Variants in GFRA1 observed in about 807,000 individuals in gnomAD.
The protein encoded by GFRA1 is GDNF family receptor alpha-1.
A neutral mutation model predicts 51.6 loss-of-function variants in GFRA1; 16 were observed. The ratio of observed to expected loss-of-function variants is 0.31; its 90% CI spans 0.21 to 0.47. GFRA1 has a LOEUF of 0.47. Ranked by LOEUF, GFRA1 falls within the 20% of genes least tolerant of loss-of-function variation. GFRA1 has a pLI of 1.00. For missense variants in GFRA1, 530 were observed against 594.3 expected (o/e 0.89, Z 1.13); for synonymous variants, 270 against 241.3 (o/e 1.12, Z -1.10).
At chr10:116,080,072 C>G (rs952440649) in intron 9 of GFRA1, among the ~76,000 whole-genome samples, 1 of 152,162 alleles carries the variant, frequency 6.6e-6, no homozygotes, top group African/African-American at 2.4e-5. Flanking sequence ...GGGCACTTCT[C>G]TGACACTGAA....
chr10:116,254,840 A>G (rs1209085563), intron 4 of GFRA1, among the ~76,000 whole-genome samples: 1 of 152,220 alleles, frequency 6.6e-6, no homozygotes, highest in East Asian at 1.9e-4. Context: ...CCAACCAGCT[A>G]GTATTCAAAA....
chr10:116,246,368 T>C (rs1429262630), intron 4 of GFRA1, among the ~76,000 whole-genome samples: 1 of 151,954 alleles, frequency 6.6e-6, no homozygotes, highest in Admixed American at 6.6e-5. Flanking sequence ...GAGGCAGAGG[T>C]TGCAGTGAGA....
chr10:116,177,908 T>C (rs906883821), intron 5 of GFRA1, among the ~76,000 whole-genome samples: 2 of 152,212 alleles, frequency 1.3e-5, no homozygotes, highest in Admixed American at 6.5e-5. Context: ...AGGGCCATGG[T>C]ACAAACTCAA....
At chr10:116,121,925 AAAGAC>A (rs1416954792) in intron 6 of GFRA1, among the ~76,000 whole-genome samples, 1 of 152,214 alleles carries the variant, frequency 6.6e-6, no homozygotes, top group Non-Finnish European at 1.5e-5. Flanking sequence ...GCATAAAATT[AAAGAC>A]AAGAGTAATA....
At chr10:116,246,535 G>A (rs1217779010) in intron 4 of GFRA1, among the ~76,000 whole-genome samples, 1 of 152,078 alleles carries the variant, frequency 6.6e-6, no homozygotes, top group Non-Finnish European at 1.5e-5. Context: ...ATACAACATA[G>A]GCTAGTAATT....
intron 5 of GFRA1, among the ~76,000 whole-genome samples, chr10:116,180,206 A>C (rs1254280057): frequency 6.6e-6 from 1 of 152,212 alleles, no homozygotes; most frequent in African/African-American, 2.4e-5. Flanking sequence ...TGGTATTTCC[A>C]GAGGAAAATT....
chr10:116,146,223 T>C (rs1589823422), intron 5 of GFRA1, among the ~76,000 whole-genome samples: 3 of 152,286 alleles, frequency 2.0e-5, no homozygotes, highest in African/African-American at 7.2e-5. Context: ...ATCCCAGGTT[T>C]TGTGGGGATA....
chr10:116,259,602 G>A (rs971570491), intron 4 of GFRA1, among the ~76,000 whole-genome samples: 5 of 152,124 alleles, frequency 3.3e-5, no homozygotes, highest in African/African-American at 1.2e-4. Context: ...CAACTTTAAA[G>A]GCCTTTTGTC....
intron 6 of GFRA1, among the ~76,000 whole-genome samples, chr10:116,117,996 C>T (rs1169056868): frequency 2.0e-5 from 3 of 151,664 alleles, no homozygotes; most frequent in Admixed American, 6.6e-5. Flanking sequence ...CTGGTGCTCC[C>T]GAGATTCAGC....
At chr10:116,135,883 G>C (rs547092902) in intron 5 of GFRA1, among the ~76,000 whole-genome samples, 1 of 152,112 alleles carries the variant, frequency 6.6e-6, no homozygotes, top group South Asian at 2.1e-4. Flanking sequence ...ATGTGTTCAG[G>C]GCCTACCCAG....
intron 9 of GFRA1, among the ~76,000 whole-genome samples, chr10:116,088,013 T>C (rs1460794097): frequency 6.6e-6 from 1 of 152,096 alleles, no homozygotes; most frequent in African/African-American, 2.4e-5. Flanking sequence ...TGTTTGACCT[T>C]GGGCTGTGCC....
At chr10:116,146,801 T>TGAAAAGC (rs1156786159) in intron 5 of GFRA1, among the ~76,000 whole-genome samples, 9 of 152,190 alleles carry the variant, frequency 5.9e-5, no homozygotes, top group African/African-American at 1.9e-4. Context: ...AAGCTCAGAG[T>TGAAAAGC]GAAAAGCGAC....
At chr10:116,178,294 G>A (rs1268178502) in intron 5 of GFRA1, among the ~76,000 whole-genome samples, 3 of 50,960 alleles carry the variant, frequency 5.9e-5, no homozygotes, top group Non-Finnish European at 1.5e-4. Flanking sequence ...GAGCCCACAA[G>A]GGGCCGGGGG....
At chr10:116,183,639 A>C (rs542599662) in intron 5 of GFRA1, among the ~76,000 whole-genome samples, 10 of 152,186 alleles carry the variant, frequency 6.6e-5, no homozygotes, top group Non-Finnish European at 1.5e-4. Context: ...TCTCCTCTCC[A>C]GAAAGGCCCT....
intron 5 of GFRA1, among the ~76,000 whole-genome samples, chr10:116,175,116 G>T (rs1221117896): frequency 6.6e-6 from 1 of 152,116 alleles, no homozygotes; most frequent in African/African-American, 2.4e-5. Flanking sequence ...CCTGTACATG[G>T]CATTTAAGCT....
At chr10:116,227,521 G>T (rs1269848907) in intron 4 of GFRA1, among the ~76,000 whole-genome samples, 1 of 152,186 alleles carries the variant, frequency 6.6e-6, no homozygotes, top group Non-Finnish European at 1.5e-5. Context: ...ATTATTCCCT[G>T]CTGGGTGCTG....
intron 2 of GFRA1, among the ~76,000 whole-genome samples, chr10:116,271,566 T>C (rs1398247386): frequency 6.6e-6 from 1 of 152,010 alleles, no homozygotes; most frequent in East Asian, 2.0e-4. Context: ...AGGCCAGCCA[T>C]GGTCAGCGGT....
chr10:116,107,674 G>C (rs571809375), intron 6 of GFRA1, among the ~76,000 whole-genome samples: 65 of 152,272 alleles, frequency 4.3e-4, no homozygotes, highest in Non-Finnish European at 7.3e-4. Context: ...CATCAAGCCT[G>C]TGTTCATTTA....
chr10:116,112,491 C>T (rs1481036285), intron 6 of GFRA1, among the ~76,000 whole-genome samples: 1 of 152,210 alleles, frequency 6.6e-6, no homozygotes, highest in Non-Finnish European at 1.5e-5. Flanking sequence ...AGCCAGCATT[C>T]TAAGCACCAG....
Sources: allele counts gnomAD v4.1 joint callset (sites outside exome capture counted in the v4.1 genomes callset), GRCh38; gene constraint gnomAD v4.1.1; transcripts MANE v1.5; gene names NCBI Gene and HGNC (gene_info 2026-07-23, HGNC 2026-07-21).